Variants in EPHA2 observed in about 807,000 individuals in gnomAD.
EPHA2 encodes EPH receptor A2, also known as ephrin type-A receptor 2.
EPHA2 carries 54 observed loss-of-function variants against 104.9 expected under a neutral mutation model. The observed-to-expected ratio is 0.51, with a 90% CI of 0.41 to 0.65. EPHA2 has a LOEUF of 0.65. EPHA2 is among the 30% of genes least tolerant of loss of function. The pLI is 0.00. For synonymous variants in EPHA2, 560 were observed against 559.1 expected, an observed-to-expected ratio of 1.00 and a Z score of -0.02; for missense variants, 1,117 against 1,369.5, an observed-to-expected ratio of 0.82 and a Z score of 2.91.
In EPHA2 at chr1:16,133,182, T is replaced by C. The variant is rs762081659; in HGVS notation, c.2051A>G (p.Lys684Arg). Residue 684 changes from lysine to arginine, a missense_variant and splice_region_variant, in exon 11 of 17, where the codon AAA becomes AGA. By Grantham distance (26) the Lys-to-Arg change is conservative. Around this residue, in one of 3 missense-constraint regions of EPHA2, gnomAD observed 340 missense variants for 480.5 expected, o/e 0.71. Transcript: ENST00000358432. ...TGTGGGCAGGCCCCAAGCCTCACAT[T>C]TGGAGATGACGCCCTCTAGGCGGAT... ...NIIRLEGVIS[K>R]YKPMMIITEY... is the part of the protein sequence containing the mutation. 4 of 1,613,332 alleles carry C rather than the reference T, an allele frequency of 2.5e-6. No homozygotes were observed. The highest frequency in any genetic ancestry group is 2.2e-5 in the South Asian group (2 of 91,082).
At chr1:16,149,186 G>A (rs920178221) in intron 2 of EPHA2, 139 bp from the exon 3 acceptor site, 33 of 917,530 alleles carry the variant, frequency 3.6e-5, no homozygotes, top group East Asian at 2.4e-4. Context: ...GGCCTGAGGC[G>A]GGTGGGGGCT....
At position 16,135,635 on chromosome 1, in the gene EPHA2, C is replaced by T; in HGVS notation, c.1428+20G>A. 1 of 1,610,556 alleles carries T rather than the reference C, an allele frequency of 6.2e-7. No homozygotes were observed. Among genetic ancestry groups the T allele is most frequent in the East Asian group, 2.2e-5 (1 of 44,854 alleles). ...TGCTGTCGGCCCAGCTAGAGCCAGC[C>T]CCGCCCCTCTGGGAGTTACCTTCTT... is the stretch of plus-strand genomic sequence containing the variant. On this transcript the variant is annotated intron_variant, in intron 6 of 16. Transcript: ENST00000358432. This position sits in a 1 kb window ranked among gnomAD's most constrained non-coding sequence, Gnocchi z 4.3.
chr1:16,125,044 A>G lies in EPHA2; in HGVS notation c.*171T>C. 1 of 667,016 alleles carries G rather than the reference A, an allele frequency of 1.5e-6. No homozygotes were observed. Among genetic ancestry groups the G allele is most frequent in the Non-Finnish European group, 2.7e-6 (1 of 366,916 alleles). The allele number at this position is 667,016 out of a possible 1,614,324, so 41.3% of individuals were successfully genotyped here. A position where few individuals can be genotyped will look rare whatever the true frequency, so the allele number is the denominator to read the frequency against. On this transcript the variant is annotated 3_prime_UTR_variant, in exon 17 of 17. Transcript: ENST00000358432. The surrounding 1 kb of genome is among the most constrained non-coding windows in gnomAD (Gnocchi z 4.9). ...AGGGCCCAGCCCAGCATCCCTGGTC[A>G]TCTCCTCAGTTCAGGCCAGGGTGTC...
chr1:16,137,653 C>A (rs1437225720), intron 5 of EPHA2, among the ~76,000 whole-genome samples, 200 bp downstream of exon 5: 1 of 152,206 alleles, frequency 6.6e-6, no homozygotes, highest in East Asian at 1.9e-4. Context: ...AGATAATTTA[C>A]GAATTTGTGT....
At chr1:16,138,588 A>G (rs954165712) in intron 3 of EPHA2, among the ~76,000 whole-genome samples, 158 bp from the exon 4 acceptor site, 3 of 152,196 alleles carry the variant, frequency 2.0e-5, no homozygotes, top group Admixed American at 1.3e-4. Context: ...CTTGTGATGG[A>G]AAAATGCATG....
chr1:16,131,679 A>G lies in EPHA2; in HGVS notation c.2475+42T>C. 6.2e-7 allele frequency: 1 copy of G among 1,613,018 alleles called. No homozygotes were observed. The highest frequency in any genetic ancestry group is 8.5e-7 in the Non-Finnish European group (1 of 1,179,678). On this transcript the variant is annotated intron_variant, in intron 14 of 16. Coordinates refer to ENST00000358432, the MANE Select transcript of EPHA2 (RefSeq NM_004431.5). The surrounding 1 kb of genome is among the most constrained non-coding windows in gnomAD (Gnocchi z 5.2). ...CAGTTTGAGATGAGTAAAGGGCTTG[A>G]GTTCAGGTCCGGACAGGCCTGGGGA...
intron 1 of EPHA2, among the ~76,000 whole-genome samples, chr1:16,154,815 G>A (rs2025119670): frequency 6.8e-6 from 1 of 147,156 alleles, no homozygotes; most frequent in African/African-American, 2.5e-5. Flanking sequence ...GTTTCCTCCC[G>A]GCTTCCCCCT....
At chr1:16,137,749 C>A in intron 5 of EPHA2, 104 bp downstream of exon 5, 3 of 1,400,322 alleles carry the variant, frequency 2.1e-6, no homozygotes, top group Admixed American at 1.9e-5. Context: ...TAACCACTTG[C>A]TCTGCTGCCT....
chr1:16,146,190 G>A (rs956769545), intron 3 of EPHA2, among the ~76,000 whole-genome samples: 18 of 152,306 alleles, frequency 1.2e-4, no homozygotes, highest in Non-Finnish European at 5.9e-5. Flanking sequence ...GGAACAATCC[G>A]GCAGTAGGTG....
Position 16,138,121 on chromosome 1 carries a change from C to G in EPHA2, c.1044G>C (p.Trp348Cys), listed in dbSNP as rs921335989. Reference sequence around the variant, plus strand: ...GGCCCCCGCTGTCCTGAGGGGGCGTCCAGCGCAGCTCCACCTTGGCACCCA... The same window carrying G: ...GGCCCCCGCTGTCCTGAGGGGGCGTGCAGCGCAGCTCCACCTTGGCACCCA... ...VGMGAKVELR[W>C]TPPQDSGGRE... The change falls in exon 5 of 17, where the codon TGG becomes TGC. Residue 348 changes from tryptophan to cysteine, a missense_variant. Physicochemically the swap from Trp to Cys is radical, Grantham distance 215. This residue lies in a region of EPHA2 where 664 missense variants were observed against 784.8 expected (regional missense o/e 0.85). Transcript: ENST00000358432. 1 of 1,609,396 alleles carries G rather than the reference C, an allele frequency of 6.2e-7. No individual in the cohort carries two copies. The highest frequency in any genetic ancestry group is 8.5e-7 in the Non-Finnish European group (1 of 1,179,824).
intron 16 of EPHA2, 100 bp downstream of exon 16, chr1:16,129,334 G>A: frequency 7.2e-7 from 1 of 1,381,758 alleles, no homozygotes; most frequent in African/African-American, 1.4e-5. Context: ...AACAAAGAGA[G>A]GAGCATTGAG....
Position 16,125,364 on chromosome 1 carries a change from G to T in EPHA2, c.2826-44C>A. Reference sequence around the variant, plus strand: ...AGAGGGAGAGTTAGGGGCTGGAGCAGGGGAGGGGGCCGGGCTGGGTGGGGA... The same window carrying T: ...AGAGGGAGAGTTAGGGGCTGGAGCATGGGAGGGGGCCGGGCTGGGTGGGGA... On this transcript the variant is annotated intron_variant, in intron 16 of 16. Coordinates refer to ENST00000358432, the MANE Select transcript of EPHA2 (RefSeq NM_004431.5). This position sits in a 1 kb window ranked among gnomAD's most constrained non-coding sequence, Gnocchi z 4.9. The T allele has an allele frequency of 7.0e-7, 1 of 1,420,944 alleles. No individual in the cohort carries two copies. Among genetic ancestry groups the T allele is most frequent in the South Asian group, 1.2e-5 (1 of 83,090 alleles). The allele number at this position is 1,420,944 out of a possible 1,614,324, so 88.0% of individuals were successfully genotyped here.
rs372553014 is a variant in EPHA2 at position 16,132,278 on chromosome 1, C to A, written c.2116-5G>T. 22 of 1,613,934 alleles carry A rather than the reference C, an allele frequency of 1.4e-5. No homozygotes were observed. Among genetic ancestry groups the A allele is most frequent in the Non-Finnish European group, 1.8e-5 (21 of 1,180,024 alleles). On this transcript the variant is annotated splice_region_variant and splice_polypyrimidine_tract_variant and intron_variant, in intron 12 of 16. Transcript: ENST00000358432. ...GCTGAACTCGCCATCCTTCTCCTGC[C>A]GGAGCACAGGCGCTCAGCTGCAGGC...
At chr1:16,132,508 G>A in intron 11 of EPHA2, 69 bp from the exon 12 acceptor site, 1 of 1,558,370 alleles carries the variant, frequency 6.4e-7, no homozygotes, top group East Asian at 2.2e-5. Context: ...GCACAGATAT[G>A]GGGGAAGGTG....
At position 16,148,235 on chromosome 1, in the gene EPHA2, G is replaced by T; in HGVS notation, c.823+143C>A. Reference sequence around the variant, plus strand: ...AGCCTTAATAAGGAAACTGATGTCTGGGAAGGATCTATAATTTCCACTAAC... The same window carrying T: ...AGCCTTAATAAGGAAACTGATGTCTTGGAAGGATCTATAATTTCCACTAAC... On this transcript the variant is annotated intron_variant, in intron 3 of 16. Coordinates refer to ENST00000358432, the MANE Select transcript of EPHA2 (RefSeq NM_004431.5). The surrounding 1 kb of genome is among the most constrained non-coding windows in gnomAD (Gnocchi z 4.9). The T allele has an allele frequency of 1.9e-6, 2 of 1,064,312 alleles. No homozygotes were observed. The highest frequency in any genetic ancestry group is 2.8e-6 in the Non-Finnish European group (2 of 708,504). The allele number at this position is 1,064,312 out of a possible 1,614,324, so 65.9% of individuals were successfully genotyped here.
Position 16,148,693 on chromosome 1 carries a change from C to G in EPHA2, c.508G>C (p.Val170Leu), listed in dbSNP as rs750091839. ...AAGCCTTTGCGGGTGAGCGGCCCCA[C>G]GGAGCGCTCCTCCACGTTCAGCTTC... is the stretch of plus-strand genomic sequence containing the variant. ...HVKLNVEERS[V>L]GPLTRKGFYL... The change falls in exon 3 of 17, where the codon GTG becomes CTG. Residue 170 changes from valine to leucine, a missense_variant. Physicochemically the swap from Val to Leu is conservative, Grantham distance 32. Transcript: ENST00000358432. This position sits in a 1 kb window ranked among gnomAD's most constrained non-coding sequence, Gnocchi z 4.9. The G allele has an allele frequency of 6.2e-7, 1 of 1,612,190 alleles. No individual in the cohort carries two copies. Among genetic ancestry groups the G allele is most frequent in the Non-Finnish European group, 8.5e-7 (1 of 1,180,038 alleles).
Position 16,150,967 on chromosome 1 carries a change from A to C in EPHA2, c.86-4T>G, listed in dbSNP as rs1413824850. 1 of 1,613,876 alleles carries C rather than the reference A, an allele frequency of 6.2e-7. No individual in the cohort carries two copies. The highest frequency in any genetic ancestry group is 2.2e-5 in the East Asian group (1 of 44,890). ...GCAGCAAAGTCCAGCAGTACCACTG[A>C]AAGGGAGAAGGGAGAGGGGGTGAGC... On this transcript the variant is annotated splice_region_variant and splice_polypyrimidine_tract_variant and intron_variant, in intron 1 of 16. Transcript: ENST00000358432. This position sits in a 1 kb window ranked among gnomAD's most constrained non-coding sequence, Gnocchi z 4.8.
chr1:16,132,127 C>T lies in EPHA2; in HGVS notation c.2262G>A (p.Lys754=). Residue 754 remains lysine, a synonymous_variant, in exon 13 of 17, where the codon AAG becomes AAA. Transcript: ENST00000358432. ...CGCGGGACAGGCCAAAGTCAGACAC[C>T]TTGCAGACCAGGTTGCTGTTGACGA... is the stretch of plus-strand genomic sequence containing the variant. ...NILVNSNLVC[K]VSDFGLSRVL... is the part of the protein sequence containing the mutation. 1 of 1,614,230 alleles carries T rather than the reference C, an allele frequency of 6.2e-7. No individual in the cohort carries two copies.
chr1:16,142,050 G>A (rs2024833292), intron 3 of EPHA2, among the ~76,000 whole-genome samples: 1 of 152,066 alleles, frequency 6.6e-6, no homozygotes. Context: ...CGGGCAAGTG[G>A]GGACAGGGGT....
Sources: allele counts gnomAD v4.1 joint callset (sites outside exome capture counted in the v4.1 genomes callset), GRCh38; gene constraint gnomAD v4.1.1; regional missense constraint gnomAD v4.1.1; non-coding constraint Gnocchi (gnomAD v3.1); transcripts MANE v1.5; gene names NCBI Gene and HGNC (gene_info 2026-07-23, HGNC 2026-07-21).